The following GPR160 variants were observed in gnomAD, a reference collection of about 807,000 sequenced individuals.
GPR160 encodes probable G protein-coupled receptor 160.
GPR160 carries 2 observed loss-of-function variants against 2.6 expected under a neutral mutation model. That is an observed-to-expected ratio of 0.77 (90% confidence interval 0.32 to 2.44). The LOEUF is 2.44. Ranked by LOEUF, GPR160 falls within the 30% of genes most tolerant of loss-of-function variation. GPR160 has a pLI of 0.11. For missense variants in GPR160, 351 were observed against 383.6 expected, an observed-to-expected ratio of 0.91 and a Z score of 0.71; for synonymous variants, 130 against 132.2, an observed-to-expected ratio of 0.98 and a Z score of 0.12.
rs116665957 is a variant in GPR160, at chr3:170,044,640, G to A, written c.-193+5597G>A. ...GTTCCCCAGGGTGTCCTGCAGGGAT[G>A]GGGCACCAAAAAGGCCTTTAACCCT... is the stretch of plus-strand genomic sequence containing the variant. On this transcript the variant is annotated intron_variant, in intron 2 of 3. Coordinates refer to ENST00000355897, the MANE Select transcript of GPR160 (RefSeq NM_014373.3). Among the ~76,000 whole-genome samples the A allele has an allele frequency of 1.7e-3, 264 of 152,180 alleles. 1 individual carries two copies. The highest frequency in any genetic ancestry group is 6.1e-3 in the African/African-American group (252 of 41,514).
chr3:170,041,698 A>G (rs770126839), intron 2 of GPR160, among the ~76,000 whole-genome samples: 1 of 152,230 alleles, frequency 6.6e-6, no homozygotes, highest in Non-Finnish European at 1.5e-5. Context: ...GAGATACCAC[A>G]GTGAATTCAT....
chr3:170,070,720 G>C (rs747356869), intron 2 of GPR160, among the ~76,000 whole-genome samples: 1 of 152,024 alleles, frequency 6.6e-6, no homozygotes, highest in African/African-American at 2.4e-5. Flanking sequence ...TTTAGAATCT[G>C]GTAAAACTTG....
At chr3:170,058,040 G>C (rs1711730061) in intron 2 of GPR160, 1 of 152,226 alleles carries the variant, frequency 6.6e-6, no homozygotes, top group African/African-American at 2.4e-5. Flanking sequence ...AAGTAAGTAT[G>C]TTTAGAATTC....
At chr3:170,067,530 G>C (rs1467157568) in intron 2 of GPR160, among the ~76,000 whole-genome samples, 2 of 151,660 alleles carry the variant, frequency 1.3e-5, no homozygotes, top group African/African-American at 4.8e-5. Flanking sequence ...GGCATCTCTG[G>C]CTTCCAGTGT....
chr3:170,040,519 G>A (rs1037443591), intron 2 of GPR160, among the ~76,000 whole-genome samples: 1 of 152,218 alleles, frequency 6.6e-6, no homozygotes, highest in Non-Finnish European at 1.5e-5. Context: ...GTTGATGCAG[G>A]TGGAGGCTAG....
intron 2 of GPR160, among the ~76,000 whole-genome samples, chr3:170,048,589 G>C (rs959019085): frequency 6.6e-6 from 1 of 152,024 alleles, no homozygotes; most frequent in Non-Finnish European, 1.5e-5. Context: ...ATAAACCTTG[G>C]ATCCCATTTC....
chr3:170,058,360 A>G (rs1711747358), intron 2 of GPR160, among the ~76,000 whole-genome samples: 1 of 152,132 alleles, frequency 6.6e-6, no homozygotes, highest in South Asian at 2.1e-4. Context: ...TAGGCCAGAA[A>G]TGGTCTTCCT....
intron 2 of GPR160, among the ~76,000 whole-genome samples, chr3:170,039,392 C>G (rs184697264): frequency 2.6e-5 from 4 of 152,160 alleles, no homozygotes; most frequent in Admixed American, 2.0e-4. Context: ...TGGTTGGATC[C>G]TGATTTGATG....
chr3:170,081,172 A>T (rs1332928993), intron 3 of GPR160, among the ~76,000 whole-genome samples: 1 of 152,178 alleles, frequency 6.6e-6, no homozygotes, highest in Non-Finnish European at 1.5e-5. Flanking sequence ...TTTAAAACTA[A>T]GCCTTTTTTG....
In GPR160 at chr3:170,061,135, C is replaced by T. The variant is rs1338468612; in HGVS notation, c.-192-18639C>T. Among the ~76,000 whole-genome samples the T allele has an allele frequency of 5.9e-5, 9 of 152,004 alleles. No homozygotes were observed. In the East Asian group the frequency reaches 1.2e-3, roughly 20 times the overall value. ...ACTAATAATACAAAAATTAGCCAGG[C>T]GTGGTGGCAGGCACCTGTAATCCCA... On this transcript the variant is annotated intron_variant, in intron 2 of 3. Transcript: ENST00000355897.
chr3:170,038,332 C>G lies in GPR160; in HGVS notation c.-322+117C>G, dbSNP rs1459647614. 1 of 152,124 alleles carries G rather than the reference C, an allele frequency of 6.6e-6. No homozygotes were observed. Among genetic ancestry groups the G allele is most frequent in the Non-Finnish European group, 1.5e-5 (1 of 68,018 alleles). The allele number at this position is 152,124 out of a possible 1,614,324, so 9.4% of individuals were successfully genotyped here. On this transcript the variant is annotated intron_variant, in intron 1 of 3. Coordinates refer to ENST00000355897, the MANE Select transcript of GPR160 (RefSeq NM_014373.3). This position sits in a 1 kb window ranked among gnomAD's most constrained non-coding sequence, Gnocchi z 5.3. ...CTCCCTGGCCGGGCGTTCAGCGCGC[C>G]TGGGAGGGGAAGGAATTTCCTTTGC...
rs1009099104 is a variant in GPR160 at position 170,038,080 on chromosome 3, C to CGCGGGGCGGG, written c.-441_-432dup. On this transcript the variant is annotated 5_prime_UTR_variant, in exon 1 of 4. Transcript: ENST00000355897. This position sits in a 1 kb window ranked among gnomAD's most constrained non-coding sequence, Gnocchi z 5.3. ...TGCTCCCCTGCCCCTCCCGGGAGCG[C>CGCGGGGCGGG]GCGGGGCGGGGCGGGGCGGGGCGGG... 2.0e-5 allele frequency: 3 copies of CGCGGGGCGGG among 152,562 alleles called. No homozygotes were observed. Among genetic ancestry groups the CGCGGGGCGGG allele is most frequent in the Non-Finnish European group, 2.9e-5 (2 of 67,984 alleles). 9.5% of individuals were successfully genotyped at this position (152,562 alleles called of 1,614,324 possible). A position where few individuals can be genotyped will look rare whatever the true frequency, so the allele number is the denominator to read the frequency against.
At chr3:170,066,362 A>G (rs762613510) in intron 2 of GPR160, among the ~76,000 whole-genome samples, 1 of 151,462 alleles carries the variant, frequency 6.6e-6, no homozygotes, top group African/African-American at 2.4e-5. Context: ...GATGGTCTCA[A>G]TCTCCTGACC....
At chr3:170,055,002 C>G (rs1433880222) in intron 2 of GPR160, among the ~76,000 whole-genome samples, 4 of 152,166 alleles carry the variant, frequency 2.6e-5, no homozygotes, top group African/African-American at 7.2e-5. Context: ...CCATGTTGGC[C>G]AGGCTGGTCT....
At chr3:170,073,942 GCAGTGGCA>G (rs1460626606) in intron 2 of GPR160, among the ~76,000 whole-genome samples, 2 of 139,260 alleles carry the variant, frequency 1.4e-5, no homozygotes, top group Non-Finnish European at 3.0e-5. Context: ...AGGCTGGAGT[GCAGTGGCA>G]CAATCTCGGC....
intron 2 of GPR160, among the ~76,000 whole-genome samples, chr3:170,071,940 C>T (rs1409218407): frequency 6.6e-6 from 1 of 151,662 alleles, no homozygotes; most frequent in South Asian, 2.1e-4. Context: ...ATTTTTGTTG[C>T]TGAGAAGTAT....
chr3:170,084,022 A>G lies in GPR160; in HGVS notation c.50A>G (p.Gln17Arg), dbSNP rs1713274405. 1.3e-6 allele frequency: 2 copies of G among 1,560,642 alleles called. No homozygotes were observed. Among genetic ancestry groups the G allele is most frequent in the African/African-American group, 2.8e-5 (2 of 72,268 alleles). ...ENCSFQYQLR[Q>R]TNQPLDVNYL... ...TGCTCTTTTCAGTACCAGTTACGTC[A>G]AACAAACCAGCCCCTAGATGTTAAC... is the stretch of plus-strand genomic sequence containing the variant. The change falls in exon 4 of 4, where the codon CAA becomes CGA. Residue 17 changes from glutamine (Q) to arginine (R), a missense_variant. Gln to Arg is a conservative substitution (Grantham distance 43, BLOSUM62 1). Transcript: ENST00000355897.
intron 2 of GPR160, among the ~76,000 whole-genome samples, chr3:170,070,094 G>A (rs1712522924): frequency 6.6e-6 from 1 of 152,110 alleles, no homozygotes; most frequent in Admixed American, 6.5e-5. Context: ...ATGAATTTGG[G>A]GGGATATAAT....
At chr3:170,069,792 T>A (rs928109673) in intron 2 of GPR160, among the ~76,000 whole-genome samples, 7 of 152,164 alleles carry the variant, frequency 4.6e-5, no homozygotes, top group African/African-American at 1.7e-4. Context: ...GATTTAAATA[T>A]AACCACACAT....
Sources: gnomAD v4.1 joint callset for allele counts (sites outside exome capture counted in the v4.1 genomes callset) on GRCh38, gnomAD v4.1.1 for gene constraint, Gnocchi (gnomAD v3.1) non-coding constraint, MANE v1.5 for transcripts, NCBI Gene and HGNC (gene_info 2026-07-23, HGNC 2026-07-21) for gene names.